The following IL1RAPL2 variants were observed in gnomAD, a reference collection of about 807,000 sequenced individuals.
The protein encoded by IL1RAPL2 is interleukin 1 receptor accessory protein like 2, also known as X-linked interleukin-1 receptor accessory protein-like 2.
In IL1RAPL2, 3 loss-of-function variants were observed where a neutral mutation model predicts 44.1. That is an observed-to-expected ratio of 0.07 (90% confidence interval 0.03 to 0.18). The LOEUF (loss-of-function observed/expected upper bound fraction) is 0.18. Ranked by LOEUF, IL1RAPL2 falls within the 10% of genes least tolerant of loss-of-function variation. IL1RAPL2 has a pLI of 1.00. For missense variants in IL1RAPL2, 391 were observed against 496.4 expected (o/e 0.79, Z 2.02); for synonymous variants, 181 against 178.8 (o/e 1.01, Z -0.10).
At chrX:104,996,476 A>G (rs1187993899) in intron 2 of IL1RAPL2, among the ~76,000 whole-genome samples, 1 of 111,956 alleles carries the variant, frequency 8.9e-6, no homozygotes, top group East Asian at 2.8e-4. Flanking sequence ...ATAATTGGAA[A>G]TTAGCCATGG....
At chrX:104,622,098 G>A (rs1441398894) in intron 1 of IL1RAPL2, among the ~76,000 whole-genome samples, 2 of 109,652 alleles carry the variant, frequency 1.8e-5, no homozygotes, top group Non-Finnish European at 3.8e-5. Context: ...TCTTCTGCTT[G>A]TTTGCACCTC....
At chrX:105,316,906 T>G (rs776843135) in intron 5 of IL1RAPL2, among the ~76,000 whole-genome samples, 1 of 110,403 alleles carries the variant, frequency 9.1e-6, no homozygotes, top group Non-Finnish European at 1.9e-5. Context: ...AGGTCTCCAG[T>G]AATTTTTTTT....
chrX:105,332,258 C>T (rs1185829373), intron 5 of IL1RAPL2, among the ~76,000 whole-genome samples: 1 of 110,192 alleles, frequency 9.1e-6, no homozygotes, highest in Admixed American at 9.7e-5. Flanking sequence ...ATTTGGTTCA[C>T]CTGCATTTGT....
chrX:104,597,985 A>C (rs901236590), intron 1 of IL1RAPL2, among the ~76,000 whole-genome samples: 1 of 112,076 alleles, frequency 8.9e-6, no homozygotes, highest in East Asian at 2.8e-4. Flanking sequence ...ACTGACTGAA[A>C]ATTGTGGGGC....
At chrX:105,554,873 G>C (rs1438402610) in intron 6 of IL1RAPL2, among the ~76,000 whole-genome samples, 1 of 111,022 alleles carries the variant, frequency 9.0e-6, no homozygotes, top group African/African-American at 3.3e-5. Context: ...ATCTCTATCA[G>C]ATTTCTACAT....
At chrX:104,630,891 A>G (rs1326197750) in intron 1 of IL1RAPL2, among the ~76,000 whole-genome samples, 6 of 108,284 alleles carry the variant, frequency 5.5e-5, no homozygotes, top group African/African-American at 2.0e-4. Context: ...CACAACGTGC[A>G]GGTTAGTTAC....
In IL1RAPL2 at chrX:105,711,767, T is replaced by C. The variant is rs1414311123; in HGVS notation, c.773-5600T>C. On this transcript the variant is annotated intron_variant, in intron 6 of 10. Transcript: ENST00000372582. ...CTGTGAAATTGAAGAAGGTATCTAC[T>C]TCCAAAATACAATAGTGGGACAGGC... Among the ~76,000 whole-genome samples, 3 of 111,808 alleles carry C rather than the reference T, an allele frequency of 2.7e-5. 1 individual carries two copies. The highest frequency in any genetic ancestry group is 9.8e-5 in the African/African-American group (3 of 30,739).
intron 2 of IL1RAPL2, among the ~76,000 whole-genome samples, chrX:104,768,947 G>A (rs1932600196): frequency 9.0e-6 from 1 of 110,869 alleles, no homozygotes; most frequent in Non-Finnish European, 1.9e-5. Context: ...GCATACTGTG[G>A]TATAGTAGAA....
Position 105,125,169 on chromosome X carries a change from A to G in IL1RAPL2, c.83-70306A>G, listed in dbSNP as rs1316437406. On this transcript the variant is annotated intron_variant, in intron 2 of 10. Coordinates refer to ENST00000372582, the MANE Select transcript of IL1RAPL2 (RefSeq NM_017416.2). ...TTAAGTTCCAATATATTTCTGTGTTAAAGGTACAATGGTTAATGTTATCAT... is the reference window on the plus strand; with the variant it reads ...TTAAGTTCCAATATATTTCTGTGTTGAAGGTACAATGGTTAATGTTATCAT... Among the ~76,000 whole-genome samples, 5 of 110,580 alleles carry G rather than the reference A, an allele frequency of 4.5e-5. No individual in the cohort carries two copies. In the Admixed American group the frequency reaches 4.8e-4, roughly 11 times the overall value.
chrX:105,276,242 C>T (rs1166513807), intron 5 of IL1RAPL2, among the ~76,000 whole-genome samples: 2 of 111,481 alleles, frequency 1.8e-5, no homozygotes, highest in Non-Finnish European at 1.9e-5. Flanking sequence ...CCCATCTCTA[C>T]TAAGAAAAAT....
intron 8 of IL1RAPL2, among the ~76,000 whole-genome samples, chrX:105,743,009 G>T (rs748987617): frequency 7.8e-4 from 86 of 110,814 alleles, no homozygotes; most frequent in Non-Finnish European, 1.3e-3. Flanking sequence ...CAAATCCCAT[G>T]GCTTAACTTT....
chrX:105,753,916 G>A (rs1426989960), intron 9 of IL1RAPL2, among the ~76,000 whole-genome samples: 2 of 111,814 alleles, frequency 1.8e-5, no homozygotes, highest in African/African-American at 6.5e-5. Context: ...TTCAGAGATA[G>A]GGAGGTCTCA....
intron 1 of IL1RAPL2, among the ~76,000 whole-genome samples, chrX:104,571,245 G>T (rs1201673718): frequency 8.9e-6 from 1 of 111,949 alleles, no homozygotes; most frequent in Non-Finnish European, 1.9e-5. Flanking sequence ...TAATCTTCCT[G>T]TAGCTCATGT....
chrX:104,762,046 G>A (rs1453799097), intron 2 of IL1RAPL2, among the ~76,000 whole-genome samples: 1 of 105,661 alleles, frequency 9.5e-6, no homozygotes, highest in Admixed American at 1.0e-4. Context: ...CACCCAGGCT[G>A]GAGTGCAATG....
At position 105,648,222 on chromosome X, in the gene IL1RAPL2, C is replaced by T. The variant is rs774891422; in HGVS notation, c.773-69145C>T. Among the ~76,000 whole-genome samples the T allele has an allele frequency of 9.9e-5, 11 of 111,186 alleles. No homozygotes were observed. The East Asian group carries it at 3.1e-3, about 32-fold the overall frequency. ...CAGCCTTTTCTCATTAAGAAAACTG[C>T]TAGATAATATACAAAAGGGAATCAG... On this transcript the variant is annotated intron_variant, in intron 6 of 10. Coordinates refer to ENST00000372582, the MANE Select transcript of IL1RAPL2 (RefSeq NM_017416.2).
intron 2 of IL1RAPL2, among the ~76,000 whole-genome samples, chrX:104,675,226 G>T (rs1377599160): frequency 1.8e-5 from 2 of 110,904 alleles, no homozygotes; most frequent in South Asian, 3.9e-4. Flanking sequence ...GCTTTCTCTT[G>T]TGGGCATTTA....
chrX:105,560,015 G>C (rs1304482426), intron 6 of IL1RAPL2, among the ~76,000 whole-genome samples: 1 of 111,645 alleles, frequency 9.0e-6, no homozygotes, highest in Non-Finnish European at 1.9e-5. Context: ...ACACCGTCTT[G>C]ACCTCTCCAT....
At chrX:105,631,205 G>A (rs978673646) in intron 6 of IL1RAPL2, among the ~76,000 whole-genome samples, 1 of 111,278 alleles carries the variant, frequency 9.0e-6, no homozygotes, top group Non-Finnish European at 1.9e-5. Context: ...ATGTGTCTAC[G>A]GTATCCTTTA....
intron 6 of IL1RAPL2, among the ~76,000 whole-genome samples, chrX:105,572,410 G>A (rs5916932): frequency 0.5 from 55,716 of 110,482 alleles, 11,387 homozygotes; most frequent in East Asian, 0.76. Flanking sequence ...GATAGTTCAT[G>A]GATGAAAATT....
Sources: gnomAD v4.1 joint callset for allele counts (sites outside exome capture counted in the v4.1 genomes callset) on GRCh38, gnomAD v4.1.1 for gene constraint, MANE v1.5 for transcripts, NCBI Gene and HGNC (gene_info 2026-07-23, HGNC 2026-07-21) for gene names.